The following ARHGEF10L variants were observed in gnomAD, a reference collection of about 807,000 sequenced individuals.
ARHGEF10L encodes the protein Rho guanine nucleotide exchange factor 10 like, also known as rho guanine nucleotide exchange factor 10-like protein.
In ARHGEF10L, 69 loss-of-function variants were observed where a neutral mutation model predicts 141.2. The ratio of observed to expected loss-of-function variants is 0.49; its 90% CI spans 0.40 to 0.60. The LOEUF (loss-of-function observed/expected upper bound fraction) is 0.60, where lower values mean the gene tolerates loss of function less well. Ranked by LOEUF, ARHGEF10L falls within the 20% of genes least tolerant of loss-of-function variation. ARHGEF10L has a pLI of 0.00. For missense variants in ARHGEF10L, 1,482 were observed against 1,734.3 expected (o/e 0.85, Z 2.58); for synonymous variants, 711 against 718.5 (o/e 0.99, Z 0.17).
chr1:17,622,833 G>A (rs1035475618), intron 11 of ARHGEF10L, among the ~76,000 whole-genome samples, 163 bp from the exon 12 acceptor site: 1 of 152,168 alleles, frequency 6.6e-6, no homozygotes, highest in Non-Finnish European at 1.5e-5. Flanking sequence ...GGGGTGTTAT[G>A]GTGATGGAGA....
intron 26 of ARHGEF10L, among the ~76,000 whole-genome samples, chr1:17,679,475 C>T (rs1436025358): frequency 6.6e-6 from 1 of 152,170 alleles, no homozygotes; most frequent in African/African-American, 2.4e-5. Context: ...TTGGGGCTTC[C>T]AGTGCCGCAG....
chr1:17,601,687 C>T lies in ARHGEF10L; in HGVS notation c.258-440C>T, dbSNP rs146250502. ...TCTTGAACTCCTGACCTCAAGTGAT[C>T]CACATGCCTTGGCCTCCCAAAGTGC... On this transcript the variant is annotated intron_variant, in intron 4 of 28. Coordinates refer to ENST00000361221, the MANE Select transcript of ARHGEF10L (RefSeq NM_018125.4). Among the ~76,000 whole-genome samples the T allele has an allele frequency of 4.9e-3, 751 of 152,252 alleles. 8 individuals are homozygous for T. The highest frequency in any genetic ancestry group is 0.017 in the African/African-American group (702 of 41,552).
chr1:17,651,371 C>T (rs937845677), intron 22 of ARHGEF10L, among the ~76,000 whole-genome samples: 1 of 152,096 alleles, frequency 6.6e-6, no homozygotes, highest in Non-Finnish European at 1.5e-5. Flanking sequence ...CTGGAGGCAG[C>T]GACCATGGAG....
intron 1 of ARHGEF10L, among the ~76,000 whole-genome samples, chr1:17,565,323 T>C (rs1304845069): frequency 6.6e-6 from 1 of 152,202 alleles, no homozygotes; most frequent in East Asian, 1.9e-4. Flanking sequence ...ATGCAAATAC[T>C]GTGGGGCTCA....
chr1:17,660,526 T>C (rs1039873776), intron 25 of ARHGEF10L, among the ~76,000 whole-genome samples: 4 of 152,180 alleles, frequency 2.6e-5, no homozygotes, highest in African/African-American at 7.2e-5. Context: ...ATCATCACAG[T>C]CGCTATTTAC....
Position 17,645,393 on chromosome 1 carries a change from T to C in ARHGEF10L, c.2273-3161T>C, listed in dbSNP as rs1249007398. On this transcript the variant is annotated intron_variant, in intron 21 of 28. Coordinates refer to ENST00000361221, the MANE Select transcript of ARHGEF10L (RefSeq NM_018125.4). Reference sequence around the variant, plus strand: ...GTCAGATCATTAAAAAAAATACGTATGAATAAATTGCCAGGACTTGATGGG... The same window carrying C: ...GTCAGATCATTAAAAAAAATACGTACGAATAAATTGCCAGGACTTGATGGG... Among the ~76,000 whole-genome samples, 8 of 150,112 alleles carry C rather than the reference T, an allele frequency of 5.3e-5. No homozygotes were observed. The East Asian group carries it at 1.4e-3, about 26-fold the overall frequency.
chr1:17,576,480 T>G (rs2078230596), intron 1 of ARHGEF10L, among the ~76,000 whole-genome samples: 1 of 152,006 alleles, frequency 6.6e-6, no homozygotes, highest in Non-Finnish European at 1.5e-5. Context: ...GAGCACTGCC[T>G]CCTCCTCAGC....
In ARHGEF10L at chr1:17,656,549, C is replaced by T. The variant is rs767024361; in HGVS notation, c.2706-5C>T. ...CATGACCGCTTCTCCAACCTCTCCC[C>T]GCAGCATCCTCCTCTACAGCAGTGT... On this transcript the variant is annotated splice_region_variant and splice_polypyrimidine_tract_variant and intron_variant, in intron 24 of 28. Coordinates refer to ENST00000361221, the MANE Select transcript of ARHGEF10L (RefSeq NM_018125.4). This position sits in a 1 kb window ranked among gnomAD's most constrained non-coding sequence, Gnocchi z 4.9. 8.7e-6 allele frequency: 14 copies of T among 1,607,548 alleles called. No homozygotes were observed. The East Asian group carries it at 9.0e-5, about 10-fold the overall frequency.
Position 17,654,134 on chromosome 1 carries a change from G to C in ARHGEF10L, c.2395-502G>C, listed in dbSNP as rs1306171973. Among the ~76,000 whole-genome samples the C allele has an allele frequency of 6.6e-6, 1 of 152,240 alleles. No homozygotes were observed. Among genetic ancestry groups the C allele is most frequent in the Non-Finnish European group, 1.5e-5 (1 of 68,048 alleles). ...TAGCTCAGGAGACAGGCCTCAGAGAGAGGCCACCCAACATGGGGTCTGTGG... is the reference window on the plus strand; with the variant it reads ...TAGCTCAGGAGACAGGCCTCAGAGACAGGCCACCCAACATGGGGTCTGTGG... On this transcript the variant is annotated intron_variant, in intron 22 of 28. Transcript: ENST00000361221. The surrounding 1 kb of genome is among the most constrained non-coding windows in gnomAD (Gnocchi z 4.3).
In ARHGEF10L at chr1:17,651,781, A is replaced by G. The variant is rs142458209; in HGVS notation, c.2395-2855A>G. Among the ~76,000 whole-genome samples the G allele has an allele frequency of 3.1e-3, 477 of 151,816 alleles. 2 individuals are homozygous for G. Among genetic ancestry groups the G allele is most frequent in the African/African-American group, 0.011 (449 of 41,410 alleles). ...CAGGGCTAGTGGAGGGAGGCGAGTG[A>G]CTCTCTGTGGTAAGGGGCCTGTGGA... On this transcript the variant is annotated intron_variant, in intron 22 of 28. Transcript: ENST00000361221.
At chr1:17,544,420 GAGTAGCTGGGACT>G (rs1197100455) in intron 1 of ARHGEF10L, among the ~76,000 whole-genome samples, 1 of 151,100 alleles carries the variant, frequency 6.6e-6, no homozygotes, top group Non-Finnish European at 1.5e-5. Context: ...TCAGCCTCCC[GAGTAGCTGGGACT>G]ACAGGCGTGC....
chr1:17,662,538 A>T (rs2062696363), intron 25 of ARHGEF10L, among the ~76,000 whole-genome samples: 1 of 152,096 alleles, frequency 6.6e-6, no homozygotes, highest in South Asian at 2.1e-4. Flanking sequence ...GGTCGAGGGG[A>T]GTCCCTGTTC....
chr1:17,577,163 G>T (rs1313813898), intron 1 of ARHGEF10L, among the ~76,000 whole-genome samples: 2 of 152,206 alleles, frequency 1.3e-5, no homozygotes, highest in African/African-American at 2.4e-5. Flanking sequence ...TCCTGCTTCA[G>T]CTTCTCGAGT....
Position 17,619,507 on chromosome 1 carries a change from C to G in ARHGEF10L, c.942+62C>G. 7.4e-7 allele frequency: 1 copy of G among 1,353,098 alleles called. No individual in the cohort carries two copies. The allele number at this position is 1,353,098 out of a possible 1,614,324, so 83.8% of individuals were successfully genotyped here. A position where few individuals can be genotyped will look rare whatever the true frequency, so the allele number is the denominator to read the frequency against. On this transcript the variant is annotated intron_variant, in intron 10 of 28. Transcript: ENST00000361221. This position sits in a 1 kb window ranked among gnomAD's most constrained non-coding sequence, Gnocchi z 5.0. ...GGAAGGGGTGGCTTGGGGGTTCCAG[C>G]CTGTTCTCTGGGGCCACGCTTGTCT...
chr1:17,622,933 T>C, intron 11 of ARHGEF10L, 63 bp from the exon 12 acceptor site: 1 of 1,534,908 alleles, frequency 6.5e-7, no homozygotes, highest in East Asian at 2.3e-5. Flanking sequence ...GAGTTCTGCA[T>C]GAGGGCAGGT....
At chr1:17,668,994 G>A (rs1463265283) in intron 26 of ARHGEF10L, among the ~76,000 whole-genome samples, 1 of 152,160 alleles carries the variant, frequency 6.6e-6, no homozygotes, top group South Asian at 2.1e-4. Flanking sequence ...GCCTGGAGCC[G>A]GGGCTGCTGC....
chr1:17,566,945 TC>T, intron 1 of ARHGEF10L, among the ~76,000 whole-genome samples: 1 of 152,206 alleles, frequency 6.6e-6, no homozygotes, highest in East Asian at 1.9e-4. Flanking sequence ...AACTTAAAAG[TC>T]CCCAGAGTGA....
At position 17,657,107 on chromosome 1, in the gene ARHGEF10L, A is replaced by T. The variant is rs903812653; in HGVS notation, c.2860+399A>T. ...AGTGCCCACCACTCATGGGTCCTGG[A>T]GGGTTAGACAACTCCATGAGGGCAA... On this transcript the variant is annotated intron_variant, in intron 25 of 28. Transcript: ENST00000361221. Among the ~76,000 whole-genome samples the T allele has an allele frequency of 1.5e-3, 231 of 152,158 alleles. 4 individuals are homozygous for T. Among genetic ancestry groups the T allele is most frequent in the Non-Finnish European group, 2.4e-3 (163 of 67,976 alleles).
At chr1:17,608,041 G>A in intron 7 of ARHGEF10L, 64 bp downstream of exon 7, 1 of 565,626 alleles carries the variant, frequency 1.8e-6, no homozygotes, top group Non-Finnish European at 2.7e-6. Context: ...GGGAGGGAGG[G>A]AGGGAGGGAG....
Sources: allele counts gnomAD v4.1 joint callset (sites outside exome capture counted in the v4.1 genomes callset), GRCh38; gene constraint gnomAD v4.1.1; non-coding constraint Gnocchi (gnomAD v3.1); transcripts MANE v1.5; gene names NCBI Gene and HGNC (gene_info 2026-07-23, HGNC 2026-07-21).